ADGRE1: variants seen among roughly 807,000 people sequenced by gnomAD.
ADGRE1 encodes the protein EGF-like module receptor 1.
ADGRE1 carries 82 observed loss-of-function variants against 102.7 expected under a neutral mutation model. The observed-to-expected ratio is 0.80, with a 90% confidence interval of 0.67 to 0.96. The LOEUF (loss-of-function observed/expected upper bound fraction) is 0.96, where lower values mean the gene tolerates loss of function less well. Among genes scored for constraint, ADGRE1 ranks in the 40% least tolerant of loss-of-function variants. The pLI is 0.00. For synonymous variants in ADGRE1, 398 were observed against 399.6 expected, an observed-to-expected ratio of 1.00 and a Z score of 0.05; for missense variants, 1,032 against 1,085.3, an observed-to-expected ratio of 0.95 and a Z score of 0.69.
chr19:6,928,006 C>G, intron 16 of ADGRE1, 139 bp from the exon 17 acceptor site: 1 of 1,070,126 alleles, frequency 9.3e-7, no homozygotes, highest in African/African-American at 1.6e-5. Context: ...GGAAACTGAA[C>G]TGCAACCGGG....
chr19:6,896,445 ACCAATACAGTGGACAGTTACTATTGCG>A lies in ADGRE1; in HGVS notation c.144_170del (p.Asn49_Ala57del). 2 of 1,614,148 alleles carry A rather than the reference ACCAATACAGTGGACAGTTACTATTGCG, an allele frequency of 1.2e-6. No homozygotes were observed. The highest frequency in any genetic ancestry group is 1.7e-6 in the Non-Finnish European group (2 of 1,180,002). ...CTTGTGCCCAGCTTATGCCACCTGC[ACCAATACAGTGGACAGTTACTATTGCG>A]CTTGCAAACAAGGCTTCCTGTCCAG... On this transcript the variant is annotated inframe_deletion, in exon 3 of 21. Coordinates refer to ENST00000312053, the MANE Select transcript of ADGRE1 (RefSeq NM_001974.5).
chr19:6,910,208 A>T (rs1245644833), intron 10 of ADGRE1, among the ~76,000 whole-genome samples: 1 of 152,200 alleles, frequency 6.6e-6, no homozygotes, highest in South Asian at 2.1e-4. Flanking sequence ...TAGGGTTTTC[A>T]GATTAAATTT....
intron 14 of ADGRE1, among the ~76,000 whole-genome samples, chr19:6,923,055 T>C (rs1974736840): frequency 6.6e-6 from 1 of 151,492 alleles, no homozygotes; most frequent in Non-Finnish European, 1.5e-5. Flanking sequence ...CCAGCCTGGG[T>C]GACAGAACCA....
chr19:6,922,685 A>G (rs1438527531), intron 14 of ADGRE1, among the ~76,000 whole-genome samples: 1 of 151,588 alleles, frequency 6.6e-6, no homozygotes, highest in East Asian at 1.9e-4. Flanking sequence ...AGGTGTTTCC[A>G]AGAGAGCCGA....
intron 2 of ADGRE1, among the ~76,000 whole-genome samples, chr19:6,891,641 A>G (rs2144879753): frequency 6.6e-6 from 1 of 152,064 alleles, no homozygotes; most frequent in South Asian, 2.1e-4. Context: ...TTTTTAGTAG[A>G]GACGGGGTTT....
At position 6,896,557 on chromosome 19, in the gene ADGRE1, C is replaced by G. The variant is rs1402766443; in HGVS notation, c.238+16C>G. On this transcript the variant is annotated intron_variant, in intron 3 of 20. Transcript: ENST00000312053. ...CGATGCAAAGGTGAGTTCATGTCCC[C>G]TCAAACCATCCAGCATTTGGTAGGA... is the stretch of plus-strand genomic sequence containing the variant. 3 of 1,609,076 alleles carry G rather than the reference C, an allele frequency of 1.9e-6. No individual in the cohort carries two copies. The highest frequency in any genetic ancestry group is 1.3e-5 in the African/African-American group (1 of 74,822).
intron 10 of ADGRE1, 111 bp downstream of exon 10, chr19:6,908,883 C>T: frequency 1.0e-6 from 1 of 977,692 alleles, no homozygotes; most frequent in Non-Finnish European, 1.5e-6. Flanking sequence ...CCCATAATCC[C>T]AGCACTTTGG....
In ADGRE1 at chr19:6,904,126, C is replaced by T. The variant is rs370094; in HGVS notation, c.893C>T (p.Ala298Val). Residue 298 changes from alanine to valine, a missense_variant, in exon 8 of 21, where the codon GCA (alanine) becomes GTA (valine). Coordinates refer to ENST00000312053, the MANE Select transcript of ADGRE1 (RefSeq NM_001974.5). ...GGCTCCTACAGCTGTGGCTGCATTG[C>T]AGGCTTTCATCCCAATCCAGAAGGC... ...ALGSYSCGCI[A>V]GFHPNPEGSQ... The T allele has an allele frequency of 0.28, 456,758 of 1,613,810 alleles. 71,887 individuals are homozygous for T. The highest frequency in any genetic ancestry group is 0.61 in the African/African-American group (45,393 of 74,898).
intron 16 of ADGRE1, among the ~76,000 whole-genome samples, chr19:6,927,321 C>CTTCCTCCCTCCT (rs1974965961): frequency 6.7e-6 from 1 of 150,126 alleles, no homozygotes; most frequent in Non-Finnish European, 1.5e-5. Flanking sequence ...TCCTCCCTCC[C>CTTCCTCCCTCCT]TTCTTTCCTT....
chr19:6,926,288 G>T, intron 15 of ADGRE1, 78 bp from the exon 16 acceptor site: 1 of 1,488,440 alleles, frequency 6.7e-7, no homozygotes. Context: ...TTCCAGCCGA[G>T]GAGTCTCTCT....
At chr19:6,893,433 T>C (rs1395562011) in intron 2 of ADGRE1, among the ~76,000 whole-genome samples, 1 of 152,176 alleles carries the variant, frequency 6.6e-6, no homozygotes, top group Non-Finnish European at 1.5e-5. Context: ...ACTCCCGATC[T>C]CAGGTGATCT....
chr19:6,907,641 G>A (rs1194377593), intron 9 of ADGRE1, among the ~76,000 whole-genome samples: 1 of 151,888 alleles, frequency 6.6e-6, no homozygotes, highest in African/African-American at 2.4e-5. Context: ...GCTCAGCCAA[G>A]TTCTGGAATA....
chr19:6,919,966 A>G (rs1764627466), intron 13 of ADGRE1, among the ~76,000 whole-genome samples: 1 of 152,202 alleles, frequency 6.6e-6, no homozygotes, highest in Non-Finnish European at 1.5e-5. Context: ...TGCAACAGAA[A>G]GCCAAACACC....
At chr19:6,933,959 G>A (rs187918477) in intron 17 of ADGRE1, among the ~76,000 whole-genome samples, 57 of 152,242 alleles carry the variant, frequency 3.7e-4, no homozygotes, top group Admixed American at 1.5e-3. Context: ...CAAGTTCGCA[G>A]TCTATGTCCT....
intron 17 of ADGRE1, chr19:6,928,640 AAT>A (rs1975021039): frequency 6.0e-6 from 1 of 165,682 alleles, no homozygotes; most frequent in Non-Finnish European, 1.3e-5. Context: ...AAAAAAAAAA[AAT>A]AAATAAATAA....
intron 2 of ADGRE1, 95 bp from the exon 3 acceptor site, chr19:6,896,303 C>T: frequency 7.8e-7 from 1 of 1,277,834 alleles, no homozygotes; most frequent in East Asian, 2.4e-5. Context: ...CAATCCAACC[C>T]ATAACAGTCA....
intron 8 of ADGRE1, among the ~76,000 whole-genome samples, chr19:6,905,364 T>TC (rs1322032577): frequency 6.6e-6 from 1 of 150,780 alleles, no homozygotes; most frequent in Non-Finnish European, 1.5e-5. Flanking sequence ...TTTTTTCTTT[T>TC]TTTTTTTTTA....
At chr19:6,922,170 TTTAAG>T (rs1405493838) in intron 14 of ADGRE1, among the ~76,000 whole-genome samples, 1 of 152,132 alleles carries the variant, frequency 6.6e-6, no homozygotes, top group Non-Finnish European at 1.5e-5. Flanking sequence ...TGCTGGGCTC[TTTAAG>T]TTAAGTGGTT....
At chr19:6,907,716 G>A (rs1974020784) in intron 9 of ADGRE1, among the ~76,000 whole-genome samples, 2 of 152,080 alleles carry the variant, frequency 1.3e-5, no homozygotes, top group South Asian at 4.2e-4. Context: ...ACACTAATCA[G>A]CTTTCTGTCT....
Sources: gnomAD v4.1 joint callset for allele counts (sites outside exome capture counted in the v4.1 genomes callset) on GRCh38, gnomAD v4.1.1 for gene constraint, MANE v1.5 for transcripts, NCBI Gene and HGNC (gene_info 2026-07-23, HGNC 2026-07-21) for gene names.